S100PBP: variants seen among roughly 807,000 people sequenced by gnomAD.
The protein encoded by S100PBP is S100P binding protein.
S100PBP carries 15 observed loss-of-function variants against 39.9 expected under a neutral mutation model. The observed-to-expected ratio is 0.38, with a 90% CI of 0.25 to 0.58. S100PBP has a LOEUF of 0.58. Among genes scored for constraint, S100PBP ranks in the 20% least tolerant of loss-of-function variants. The pLI, the probability that S100PBP is intolerant of heterozygous loss-of-function variation, is 0.70. For missense variants in S100PBP, 504 were observed against 487.3 expected (o/e 1.03, Z -0.32); for synonymous variants, 178 against 180.3 (o/e 0.99, Z 0.10).
At chr1:32,836,898 A>G (rs916664257) in intron 5 of S100PBP, 3 of 152,094 alleles carry the variant, frequency 2.0e-5, no homozygotes, top group African/African-American at 7.2e-5. Flanking sequence ...TACTTGATTG[A>G]TAGTTTGATA....
upstream of S100PBP, chr1:32,817,105 T>G: frequency 6.4e-7 from 1 of 1,568,788 alleles, no homozygotes; most frequent in Non-Finnish European, 8.8e-7. Context: ...CCCCACATAC[T>G]TAGAACCCCG....
At chr1:32,854,809 A>G (rs1312258095) in intron 6 of S100PBP, among the ~76,000 whole-genome samples, 1 of 152,152 alleles carries the variant, frequency 6.6e-6, no homozygotes, top group Non-Finnish European at 1.5e-5. Context: ...GGGCCTTTAC[A>G]GTCATATTCC....
intron 1 of S100PBP, chr1:32,820,640 A>G (rs1639013208): frequency 6.6e-6 from 1 of 152,184 alleles, no homozygotes; most frequent in African/African-American, 2.4e-5. Context: ...TACTTCACAG[A>G]GTATAATCAT....
intron 5 of S100PBP, among the ~76,000 whole-genome samples, chr1:32,841,131 A>G (rs1199111569): frequency 6.6e-6 from 1 of 151,514 alleles, no homozygotes; most frequent in Non-Finnish European, 1.5e-5. Flanking sequence ...ACTGCACTTC[A>G]GCCTGGGCGA....
rs571404347 is a variant in S100PBP at position 32,823,063 on chromosome 1, G to C, written c.-119-2250G>C. The stretch of plus-strand genomic sequence containing the variant: ...GAATTAGACCTGGGTTTCGATCCTT[G>C]TTCTAACATTATTAGCTATGTATAC... On this transcript the variant is annotated intron_variant, in intron 1 of 6. Transcript: ENST00000373475. 8.5e-5 allele frequency among the ~76,000 whole-genome samples: 13 copies of C among 152,326 alleles called. No individual in the cohort carries two copies. The South Asian group carries it at 2.5e-3, about 29-fold the overall frequency.
Position 32,852,469 on chromosome 1 carries a change from G to A in S100PBP, c.1025-610G>A, listed in dbSNP as rs532708804. The stretch of plus-strand genomic sequence containing the variant: ...CATTGCTAGGATCCCAGGTGTTTGA[G>A]AAATTGCATCTAGCAATTTTTCTTG... On this transcript the variant is annotated intron_variant, in intron 5 of 6. Transcript: ENST00000373475. 2.6e-5 allele frequency among the ~76,000 whole-genome samples: 4 copies of A among 152,282 alleles called. No individual in the cohort carries two copies. In the South Asian group the frequency reaches 8.3e-4, roughly 32 times the overall value.
chr1:32,828,973 G>A (rs933616636), intron 4 of S100PBP, among the ~76,000 whole-genome samples: 6 of 152,160 alleles, frequency 3.9e-5, no homozygotes, highest in Non-Finnish European at 8.8e-5. Context: ...CTGCACACCA[G>A]CCTGGGAGAC....
intron 2 of S100PBP, 105 bp from the exon 3 acceptor site, chr1:32,825,993 A>G: frequency 2.7e-6 from 2 of 752,506 alleles, no homozygotes; most frequent in Non-Finnish European, 4.4e-6. Flanking sequence ...TACAAGTCAC[A>G]GTGCAAAGAT....
In S100PBP at chr1:32,826,125, A is replaced by G. The variant is rs377046092; in HGVS notation, c.26A>G (p.Glu9Gly). MMCSRVPS[E>G]QSSGTSLLPK... ...ATGATGTGCTCACGGGTGCCCTCTGAACAGTCTTCTGGTACCTCTCTCTTG... is the reference window on the plus strand; with the variant it reads ...ATGATGTGCTCACGGGTGCCCTCTGGACAGTCTTCTGGTACCTCTCTCTTG... Residue 9 changes from glutamate to glycine, a missense_variant, in exon 3 of 7, where the codon GAA (glutamate) becomes GGA (glycine). Physicochemically the swap from Glu to Gly is moderately conservative, Grantham distance 98. Transcript: ENST00000373475. 1 of 1,613,314 alleles carries G rather than the reference A, an allele frequency of 6.2e-7. No homozygotes were observed. Among genetic ancestry groups the G allele is most frequent in the Non-Finnish European group, 8.5e-7 (1 of 1,179,672 alleles).
chr1:32,830,202 T>C (rs1017272435), intron 5 of S100PBP, 135 bp downstream of exon 5: 3 of 648,742 alleles, frequency 4.6e-6, no homozygotes, highest in African/African-American at 3.7e-5. Context: ...CTTAAAAGAT[T>C]TTCACTTAAA....
chr1:32,818,033 T>G (rs1215929199), intron 1 of S100PBP: 1 of 152,762 alleles, frequency 6.5e-6, no homozygotes, highest in African/African-American at 2.4e-5. Context: ...AGGCTGTTGC[T>G]GGCGGGAAGA....
At chr1:32,821,287 A>G (rs1569821566) in intron 1 of S100PBP, among the ~76,000 whole-genome samples, 1 of 152,090 alleles carries the variant, frequency 6.6e-6, no homozygotes, top group African/African-American at 2.4e-5. Flanking sequence ...ATTTTGTGAT[A>G]TATGTATCCA....
chr1:32,816,799 T>C (rs559904710), upstream of S100PBP: 447 of 293,714 alleles, frequency 1.5e-3, 1 homozygote, highest in Admixed American at 3.5e-3. Flanking sequence ...CAGTATAGCA[T>C]CTTCCAGTAC....
chr1:32,845,989 TA>T (rs1640356346), intron 5 of S100PBP, among the ~76,000 whole-genome samples: 1 of 150,780 alleles, frequency 6.6e-6, no homozygotes, highest in South Asian at 2.1e-4. Context: ...TTAATTAATT[TA>T]TTTTTTTATT....
intron 6 of S100PBP, among the ~76,000 whole-genome samples, chr1:32,853,939 C>A (rs954885000): frequency 6.6e-6 from 1 of 152,086 alleles, no homozygotes; most frequent in South Asian, 2.1e-4. Flanking sequence ...TTCAGGAAAC[C>A]TGAGTTCTAA....
intron 5 of S100PBP, among the ~76,000 whole-genome samples, chr1:32,840,196 G>C (rs1483606675): frequency 6.6e-6 from 1 of 152,148 alleles, no homozygotes; most frequent in African/African-American, 2.4e-5. Flanking sequence ...ATGTTGGCCA[G>C]GCTGGGCTTG....
chr1:32,838,080 G>A (rs1023015154), intron 5 of S100PBP, among the ~76,000 whole-genome samples: 4 of 152,036 alleles, frequency 2.6e-5, no homozygotes, highest in African/African-American at 7.2e-5. Flanking sequence ...GGTGGCTCAC[G>A]CCTGTAATCC....
chr1:32,858,240 CTGAA>C lies in S100PBP; in HGVS notation c.*2205_*2208del. 6.5e-6 allele frequency: 1 copy of C among 152,756 alleles called. No individual in the cohort carries two copies. The highest frequency in any genetic ancestry group is 1.9e-4 in the East Asian group (1 of 5,190). The allele number at this position is 152,756 out of a possible 1,614,324, so 9.5% of individuals were successfully genotyped here. On this transcript the variant is annotated 3_prime_UTR_variant, in exon 7 of 7. Transcript: ENST00000373475. ...CCTCCTGGTACATGGGGTTTTAAGACTGAATGTGTAATAGGAGCACTGCCTTTGC... is the reference window on the plus strand; with the variant it reads ...CCTCCTGGTACATGGGGTTTTAAGACTGTGTAATAGGAGCACTGCCTTTGC...
At position 32,856,801 on chromosome 1, in the gene S100PBP, C is replaced by G. The variant is rs1376234465; in HGVS notation, c.*763C>G. ...ACCTTGTGGTCTTGAGACTGGTTGT[C>G]TCCTTTGCCTTTCTTCAAGGATTTT... On this transcript the variant is annotated 3_prime_UTR_variant, in exon 7 of 7. Transcript: ENST00000373475. The G allele has an allele frequency of 6.6e-6, 1 of 152,264 alleles. No homozygotes were observed. The highest frequency in any genetic ancestry group is 1.5e-5 in the Non-Finnish European group (1 of 68,042). 9.4% of individuals were successfully genotyped at this position (152,264 alleles called of 1,614,324 possible). A position where few individuals can be genotyped will look rare whatever the true frequency, so the allele number is the denominator to read the frequency against.
Sources: gnomAD v4.1 joint callset for allele counts (sites outside exome capture counted in the v4.1 genomes callset) on GRCh38, gnomAD v4.1.1 for gene constraint, MANE v1.5 for transcripts, NCBI Gene and HGNC (gene_info 2026-07-23, HGNC 2026-07-21) for gene names.